Variants in MYDGF observed in about 807,000 individuals in gnomAD.
The protein encoded by MYDGF is myeloid derived growth factor.
Under a neutral mutation model 24.2 loss-of-function variants are expected in MYDGF, and 29 were observed. The ratio of observed to expected loss-of-function variants is 1.20; its 90% CI spans 0.89 to 1.63. The LOEUF is 1.63. Ranked by LOEUF, MYDGF falls within the 40% of genes most tolerant of loss-of-function variation. MYDGF has a pLI of 0.00. For missense variants in MYDGF, 245 were observed against 234.8 expected, an observed-to-expected ratio of 1.04 and a Z score of -0.29; for synonymous variants, 105 against 102.5, an observed-to-expected ratio of 1.02 and a Z score of -0.15.
chr19:4,667,670 C>G (rs2088531842), intron 2 of MYDGF, among the ~76,000 whole-genome samples: 1 of 152,050 alleles, frequency 6.6e-6, no homozygotes, highest in Admixed American at 6.6e-5. Context: ...TGAATTCTGC[C>G]AACTAAGAGC....
chr19:4,660,291 AT>A (rs563610793), intron 4 of MYDGF, among the ~76,000 whole-genome samples: 9 of 148,674 alleles, frequency 6.1e-5, no homozygotes, highest in Middle Eastern at 3.5e-3. Context: ...ACGCCTGGCT[AT>A]TTTTTTTTTA....
chr19:4,660,038 A>T (rs187651282), intron 4 of MYDGF, 35 bp from the exon 5 acceptor site: 2 of 1,558,766 alleles, frequency 1.3e-6, no homozygotes, highest in East Asian at 4.5e-5. Flanking sequence ...TACCAGGGCC[A>T]GTTCAATGCT....
At chr19:4,658,230 C>T in intron 5 of MYDGF, 146 bp from the exon 6 acceptor site, 1 of 637,624 alleles carries the variant, frequency 1.6e-6, no homozygotes, top group Admixed American at 2.7e-5. Context: ...GCCCCAGGCA[C>T]TGAAAGTCTT....
chr19:4,668,630 T>A lies in MYDGF; in HGVS notation c.190A>T (p.Met64Leu). 1 of 1,613,100 alleles carries A rather than the reference T, an allele frequency of 6.2e-7. No individual in the cohort carries two copies. Among genetic ancestry groups the A allele is most frequent in the Non-Finnish European group, 8.5e-7 (1 of 1,179,404 alleles). Residue 64 changes from methionine to leucine, a missense_variant, in exon 2 of 6, where the codon ATG becomes TTG. Physicochemically the swap from Met to Leu is conservative, Grantham distance 15 (BLOSUM62 2). Coordinates refer to ENST00000262947, the MANE Select transcript of MYDGF (RefSeq NM_019107.4). ...NVGPGDKYTC[M>L]FTYASQGGTN... ...CCTCCTTGAGAGGCGTAAGTGAACA[T>A]ACACGTATATTTGTCCTAGAGAATG...
Position 4,670,261 on chromosome 19 carries a change from GCCACGGCCC to G in MYDGF, c.65_73del (p.Gly22_Val24del). On this transcript the variant is annotated inframe_deletion, in exon 1 of 6. Transcript: ENST00000262947. ...GGACACCGCCTCCGCCGGCCTCAGC[GCCACGGCCC>G]CTAGGAGCAGCGCGGCCCACAAGCT... 6.4e-7 allele frequency: 1 copy of G among 1,559,830 alleles called. No individual in the cohort carries two copies. Among genetic ancestry groups the G allele is most frequent in the Non-Finnish European group, 8.7e-7 (1 of 1,155,624 alleles).
chr19:4,665,986 T>C (rs1040831667), intron 2 of MYDGF, among the ~76,000 whole-genome samples: 1 of 151,738 alleles, frequency 6.6e-6, no homozygotes, highest in Non-Finnish European at 1.5e-5. Flanking sequence ...CCAAGACTAT[T>C]CCAGGTTGTC....
chr19:4,667,291 G>T (rs970221991), intron 2 of MYDGF, among the ~76,000 whole-genome samples: 3 of 152,032 alleles, frequency 2.0e-5, no homozygotes, highest in Admixed American at 1.3e-4. Flanking sequence ...AAAACACCCG[G>T]CTAATTTTTT....
chr19:4,659,893 G>A (rs1375986184), intron 5 of MYDGF, 38 bp downstream of exon 5: 1 of 1,596,734 alleles, frequency 6.3e-7, no homozygotes, highest in Admixed American at 1.7e-5. Flanking sequence ...CTTGGATGGG[G>A]GTGGCGTCAC....
intron 5 of MYDGF, among the ~76,000 whole-genome samples, chr19:4,659,295 G>C (rs983110587): frequency 1.1e-4 from 16 of 151,948 alleles, no homozygotes; most frequent in Non-Finnish European, 1.5e-5. Flanking sequence ...AGAGTGCAGT[G>C]GCATGATCTC....
intron 3 of MYDGF, among the ~76,000 whole-genome samples, chr19:4,664,152 G>C (rs1319665141): frequency 6.6e-6 from 1 of 152,092 alleles, no homozygotes; most frequent in African/African-American, 2.4e-5. Flanking sequence ...GGAGGGGGAT[G>C]CGTGGCTGCC....
chr19:4,666,488 C>T (rs1236219835), intron 2 of MYDGF, among the ~76,000 whole-genome samples: 1 of 151,972 alleles, frequency 6.6e-6, no homozygotes, highest in Non-Finnish European at 1.5e-5. Context: ...CTTAGCAAGG[C>T]TGGTCTCAAA....
At chr19:4,669,954 C>T (rs1018645575) in intron 1 of MYDGF, among the ~76,000 whole-genome samples, 2 of 152,078 alleles carry the variant, frequency 1.3e-5, no homozygotes, top group Non-Finnish European at 2.9e-5. Context: ...AGGCCCCGCT[C>T]CCTATGAGTT....
rs1268526116 is a variant in MYDGF, at chr19:4,657,828, TCTCTGCCCCAGGG to T, written c.*164_*176del. 1 of 558,324 alleles carries T rather than the reference TCTCTGCCCCAGGG, an allele frequency of 1.8e-6. No homozygotes were observed. Among genetic ancestry groups the T allele is most frequent in the African/African-American group, 1.9e-5 (1 of 52,810 alleles). 34.6% of individuals were successfully genotyped at this position (558,324 alleles called of 1,614,324 possible). ...GCCAGGAGGGCCCTGGACCCTCTGT[TCTCTGCCCCAGGG>T]CTTCAGCCACCCTGCAAGCCCCTCC... is the stretch of plus-strand genomic sequence containing the variant. On this transcript the variant is annotated 3_prime_UTR_variant, in exon 6 of 6. Transcript: ENST00000262947.
intron 1 of MYDGF, among the ~76,000 whole-genome samples, chr19:4,669,684 G>C (rs1246247302): frequency 6.6e-6 from 1 of 152,220 alleles, no homozygotes; most frequent in Non-Finnish European, 1.5e-5. Flanking sequence ...GACAAGCTGA[G>C]TACAGGGCTG....
At chr19:4,660,437 C>A (rs971384878) in intron 4 of MYDGF, 59 of 556,798 alleles carry the variant, frequency 1.1e-4, no homozygotes, top group Non-Finnish European at 6.0e-5. Context: ...CTGGAGAAGT[C>A]TTTTCTGGCA....
chr19:4,660,851 AG>A (rs2088465058), intron 3 of MYDGF, 101 bp from the exon 4 acceptor site: 2 of 884,772 alleles, frequency 2.3e-6, no homozygotes, highest in African/African-American at 3.4e-5. Context: ...TGGGGTCAGC[AG>A]GTCTCGTGCC....
At chr19:4,668,501 T>G in intron 2 of MYDGF, 94 bp downstream of exon 2, 1 of 1,068,328 alleles carries the variant, frequency 9.4e-7, no homozygotes, top group Non-Finnish European at 1.5e-6. Flanking sequence ...TAAGGTGATA[T>G]AGGTGAGACC....
At position 4,668,630 on chromosome 19, in the gene MYDGF, T is replaced by C; in HGVS notation, c.190A>G (p.Met64Val). 6.2e-7 allele frequency: 1 copy of C among 1,613,100 alleles called. No homozygotes were observed. The highest frequency in any genetic ancestry group is 8.5e-7 in the Non-Finnish European group (1 of 1,179,404). ...NVGPGDKYTCMFTYASQGGTN... is the reference protein window; with the variant it reads ...NVGPGDKYTCVFTYASQGGTN... ...CCTCCTTGAGAGGCGTAAGTGAACA[T>C]ACACGTATATTTGTCCTAGAGAATG... The change falls in exon 2 of 6, where the codon ATG becomes GTG. Residue 64 changes from methionine (M) to valine (V), a missense_variant. By Grantham distance (21) the Met-to-Val change is conservative. Transcript: ENST00000262947.
chr19:4,666,413 T>A (rs997695805), intron 2 of MYDGF, among the ~76,000 whole-genome samples: 5 of 151,950 alleles, frequency 3.3e-5, no homozygotes, highest in Non-Finnish European at 7.4e-5. Flanking sequence ...GTAGCTGGGA[T>A]TACAGGCGCG....
Sources: gnomAD v4.1 joint callset for allele counts (sites outside exome capture counted in the v4.1 genomes callset) on GRCh38, gnomAD v4.1.1 for gene constraint, MANE v1.5 for transcripts, NCBI Gene and HGNC (gene_info 2026-07-23, HGNC 2026-07-21) for gene names.